The following IQCK variants were observed in gnomAD, a reference collection of about 807,000 sequenced individuals.
The protein encoded by IQCK is IQ motif containing K.
A neutral mutation model predicts 28.1 loss-of-function variants in IQCK; 29 were observed. That is an observed-to-expected ratio of 1.03 (90% confidence interval 0.77 to 1.41). The LOEUF (loss-of-function observed/expected upper bound fraction) is 1.41. Ranked by LOEUF, IQCK falls within the 40% of genes most tolerant of loss-of-function variation. The pLI is 0.00. For missense variants in IQCK, 359 were observed against 314.7 expected (o/e 1.14, Z -1.07); for synonymous variants, 113 against 115.1 (o/e 0.98, Z 0.12).
chr16:19,806,961 G>A (rs559016507), intron 7 of IQCK, among the ~76,000 whole-genome samples: 3 of 152,342 alleles, frequency 2.0e-5, no homozygotes, highest in African/African-American at 7.2e-5. Context: ...TCCCATTACT[G>A]GGGAGTCTCT....
chr16:19,784,986 C>T (rs945365213), intron 6 of IQCK, among the ~76,000 whole-genome samples: 2 of 152,182 alleles, frequency 1.3e-5, no homozygotes, highest in African/African-American at 4.8e-5. Context: ...CCAGGCTGGT[C>T]TCGAACCCCT....
chr16:19,834,783 C>T (rs1031514713), intron 9 of IQCK, among the ~76,000 whole-genome samples: 15 of 152,284 alleles, frequency 9.9e-5, no homozygotes, highest in Admixed American at 2.0e-4. Context: ...GTTTGGCCAC[C>T]AGAGAGGGAA....
chr16:19,854,814 G>A (rs1334646678), intron 9 of IQCK, among the ~76,000 whole-genome samples: 2 of 152,212 alleles, frequency 1.3e-5, no homozygotes, highest in Non-Finnish European at 2.9e-5. Flanking sequence ...TTAGGGAGGT[G>A]TGGCGCATCC....
chr16:19,826,904 A>G (rs1161316940), intron 7 of IQCK, 122 bp from the exon 8 acceptor site: 5 of 694,506 alleles, frequency 7.2e-6, no homozygotes, highest in Non-Finnish European at 1.3e-5. Flanking sequence ...ATTTAGGACG[A>G]TGATTCATTG....
chr16:19,844,578 T>TA (rs2056394885), intron 9 of IQCK, among the ~76,000 whole-genome samples: 2 of 152,220 alleles, frequency 1.3e-5, no homozygotes, highest in South Asian at 4.1e-4. Context: ...TGATCTTTTC[T>TA]AAAAATGTAG....
At chr16:19,779,749 G>A (rs1402786973) in intron 6 of IQCK, among the ~76,000 whole-genome samples, 4 of 149,824 alleles carry the variant, frequency 2.7e-5, no homozygotes, top group African/African-American at 9.8e-5. Context: ...ATGGAGTCTC[G>A]CTCTGTCGCC....
chr16:19,857,525 T>C, exon 10 of IQCK: 1 of 406,058 alleles, frequency 2.5e-6, no homozygotes, highest in Non-Finnish European at 4.7e-6. Flanking sequence ...AATAAATATA[T>C]ATTATCTATC....
At chr16:19,854,636 G>C (rs1264379407) in intron 9 of IQCK, among the ~76,000 whole-genome samples, 1 of 152,196 alleles carries the variant, frequency 6.6e-6, no homozygotes, top group African/African-American at 2.4e-5. Flanking sequence ...TACCTCCCTG[G>C]GGGGATCCAG....
intron 4 of IQCK, among the ~76,000 whole-genome samples, chr16:19,742,468 C>G (rs1490344269): frequency 6.6e-6 from 1 of 150,914 alleles, no homozygotes; most frequent in Non-Finnish European, 1.5e-5. Flanking sequence ...TTATCCTGAT[C>G]TGCACAACAG....
At chr16:19,839,287 A>C (rs2056336957) in intron 9 of IQCK, among the ~76,000 whole-genome samples, 1 of 151,492 alleles carries the variant, frequency 6.6e-6, no homozygotes, top group African/African-American at 2.4e-5. Flanking sequence ...CAGCCTCCCG[A>C]GTAGCTGGGA....
At chr16:19,738,111 G>C (rs943743312) in intron 4 of IQCK, among the ~76,000 whole-genome samples, 22 of 152,182 alleles carry the variant, frequency 1.4e-4, no homozygotes, top group African/African-American at 5.3e-4. Flanking sequence ...GTTCCTTGGG[G>C]ACAGATTCTC....
chr16:19,742,237 C>T (rs189886004), intron 4 of IQCK, among the ~76,000 whole-genome samples: 1 of 152,272 alleles, frequency 6.6e-6, no homozygotes, highest in East Asian at 1.9e-4. Flanking sequence ...CTGCTTCTCA[C>T]GCTTTGCCAG....
At chr16:19,837,419 A>C (rs1234737869) in intron 9 of IQCK, among the ~76,000 whole-genome samples, 1 of 152,098 alleles carries the variant, frequency 6.6e-6, no homozygotes, top group East Asian at 1.9e-4. Context: ...AAAAATAAAA[A>C]GATTGGCTTT....
chr16:19,804,432 T>G (rs77233877), intron 7 of IQCK, among the ~76,000 whole-genome samples: 7 of 150,148 alleles, frequency 4.7e-5, no homozygotes, highest in African/African-American at 1.0e-4. Flanking sequence ...TGTGTGGTGG[T>G]TTTTTTTGTT....
At chr16:19,754,116 G>C (rs1243475834) in intron 4 of IQCK, among the ~76,000 whole-genome samples, 1 of 152,098 alleles carries the variant, frequency 6.6e-6, no homozygotes, top group Non-Finnish European at 1.5e-5. Flanking sequence ...ACCTGGAGCT[G>C]AGACGGAGTT....
intron 4 of IQCK, among the ~76,000 whole-genome samples, chr16:19,738,873 G>T (rs1412469511): frequency 2.0e-5 from 3 of 152,132 alleles, no homozygotes; most frequent in Non-Finnish European, 4.4e-5. Flanking sequence ...CAGTGATCTC[G>T]CAAGGAGGGT....
intron 4 of IQCK, among the ~76,000 whole-genome samples, chr16:19,741,912 G>C (rs2054840547): frequency 6.6e-6 from 1 of 152,160 alleles, no homozygotes; most frequent in Admixed American, 6.5e-5. Flanking sequence ...GCTTGAACCT[G>C]GGAGGCAGAG....
intron 4 of IQCK, among the ~76,000 whole-genome samples, chr16:19,754,203 C>T (rs1020621551): frequency 2.0e-5 from 3 of 152,190 alleles, no homozygotes; most frequent in Non-Finnish European, 4.4e-5. Context: ...TTAATAACCA[C>T]ACTGGGGCCG....
At chr16:19,777,142 G>T (rs1297292102) in intron 6 of IQCK, among the ~76,000 whole-genome samples, 1 of 152,046 alleles carries the variant, frequency 6.6e-6, no homozygotes, top group Non-Finnish European at 1.5e-5. Flanking sequence ...GAAAAGAAAA[G>T]GTTGCTTTGG....
Sources: gnomAD v4.1 joint callset for allele counts (sites outside exome capture counted in the v4.1 genomes callset) on GRCh38, gnomAD v4.1.1 for gene constraint, MANE v1.5 for transcripts, NCBI Gene and HGNC (gene_info 2026-07-23, HGNC 2026-07-21) for gene names.